COL5A2: variants seen among roughly 807,000 people sequenced by gnomAD.
COL5A2 encodes collagen type V alpha 2 chain.
Under a neutral mutation model 208.2 loss-of-function variants are expected in COL5A2, and 23 were observed. The ratio of observed to expected loss-of-function variants is 0.11; its 90% CI spans 0.08 to 0.16. The LOEUF (loss-of-function observed/expected upper bound fraction) is 0.16, where lower values mean the gene tolerates loss of function less well. Among genes scored for constraint, COL5A2 ranks in the 10% least tolerant of loss-of-function variants. The probability of loss-of-function intolerance (pLI) is 1.00; values close to 1 mark genes in which losing one functional copy is unlikely to be tolerated. For synonymous variants in COL5A2, 625 were observed against 628.5 expected (o/e 0.99, Z 0.08); for missense variants, 1,590 against 1,956.4 (o/e 0.81, Z 3.53).
the COL5A2 span, among the ~76,000 whole-genome samples, chr2:189,400,088 C>CT: frequency 2.6e-5 from 4 of 151,926 alleles, no homozygotes; most frequent in Admixed American, 6.6e-5. Context: ...TTATGTTTTT[C>CT]TTTTTTGTTT....
At chr2:189,322,519 C>A in the COL5A2 span, among the ~76,000 whole-genome samples, 1 of 152,182 alleles carries the variant, frequency 6.6e-6, no homozygotes, top group Non-Finnish European at 1.5e-5. Flanking sequence ...CACAGAAATA[C>A]AAACTGCCAT....
the COL5A2 span, among the ~76,000 whole-genome samples, chr2:189,359,603 C>T: frequency 1.3e-5 from 2 of 152,124 alleles, no homozygotes; most frequent in African/African-American, 4.8e-5. Context: ...AGAAGTATTC[C>T]CGCCTCTTCA....
chr2:189,332,858 A>G, the COL5A2 span, among the ~76,000 whole-genome samples: 1 of 152,228 alleles, frequency 6.6e-6, no homozygotes, highest in Non-Finnish European at 1.5e-5. Flanking sequence ...GGATGGGGTA[A>G]CAGGCAGAGA....
intron 1 of COL5A2, among the ~76,000 whole-genome samples, chr2:189,130,817 C>T (rs1315890998): frequency 1.3e-5 from 2 of 151,946 alleles, no homozygotes; most frequent in Non-Finnish European, 2.9e-5. Context: ...AGTCACATCA[C>T]AAATGCTTAA....
chr2:189,349,351 TAA>T, the COL5A2 span, among the ~76,000 whole-genome samples: 1 of 152,114 alleles, frequency 6.6e-6, no homozygotes, highest in African/African-American at 2.4e-5. Flanking sequence ...GAACAATAAC[TAA>T]AAGTCATGTT....
the COL5A2 span, among the ~76,000 whole-genome samples, chr2:189,368,965 A>G: frequency 1.3e-5 from 2 of 152,196 alleles, no homozygotes; most frequent in Non-Finnish European, 2.9e-5. Context: ...GAGGTCACCT[A>G]TCTACTACAA....
the COL5A2 span, among the ~76,000 whole-genome samples, chr2:189,432,378 C>T: frequency 7.2e-5 from 11 of 152,118 alleles, no homozygotes; most frequent in African/African-American, 1.4e-4. Context: ...TTAAAAGACA[C>T]GGACTGGCAA....
intron 34 of COL5A2, 86 bp from the exon 35 acceptor site, chr2:189,057,112 T>C: frequency 1.4e-6 from 2 of 1,438,048 alleles, no homozygotes; most frequent in South Asian, 1.1e-5. Context: ...TGAAGGCTAA[T>C]TGTCATTTTC....
chr2:189,034,047 T>C lies in COL5A2; in HGVS notation c.*23A>G, dbSNP rs753475151. 1.4e-5 allele frequency: 23 copies of C among 1,613,772 alleles called. No individual in the cohort carries two copies. The highest frequency in any genetic ancestry group is 3.3e-5 in the Admixed American group (2 of 59,978). On this transcript the variant is annotated 3_prime_UTR_variant, in exon 54 of 54. Transcript: ENST00000374866. ...CGGTGGTCATTGATGGTGGTGCTCATTGTCGATGTGTCTTGGCTTACTTTA... is the reference window on the plus strand; with the variant it reads ...CGGTGGTCATTGATGGTGGTGCTCACTGTCGATGTGTCTTGGCTTACTTTA...
At chr2:189,251,020 G>A in the COL5A2 span, among the ~76,000 whole-genome samples, 12 of 152,116 alleles carry the variant, frequency 7.9e-5, no homozygotes, top group African/African-American at 2.9e-4. Flanking sequence ...TATGAAGTCT[G>A]GGCATCAATC....
At chr2:189,155,185 A>G (rs1688220926) in intron 1 of COL5A2, among the ~76,000 whole-genome samples, 1 of 151,618 alleles carries the variant, frequency 6.6e-6, no homozygotes, top group African/African-American at 2.4e-5. Flanking sequence ...ACAGTATCTC[A>G]CTATGTTGCC....
intron 1 of COL5A2, among the ~76,000 whole-genome samples, chr2:189,153,641 T>C (rs1200628415): frequency 1.3e-5 from 2 of 152,100 alleles, no homozygotes; most frequent in Non-Finnish European, 2.9e-5. Context: ...GAGGCAGATA[T>C]GCTTTTACTA....
At chr2:189,162,683 T>C (rs1688391040) in intron 1 of COL5A2, among the ~76,000 whole-genome samples, 1 of 152,188 alleles carries the variant, frequency 6.6e-6, no homozygotes, top group African/African-American at 2.4e-5. Flanking sequence ...TAAAATATTA[T>C]CAGATTTTTA....
chr2:189,270,433 T>C, the COL5A2 span, among the ~76,000 whole-genome samples: 1 of 152,200 alleles, frequency 6.6e-6, no homozygotes, highest in Non-Finnish European at 1.5e-5. Flanking sequence ...GTGTCTTTGT[T>C]CTCACCGGTT....
At chr2:189,063,521 T>A (rs1302383601) in intron 26 of COL5A2, among the ~76,000 whole-genome samples, 1 of 152,194 alleles carries the variant, frequency 6.6e-6, no homozygotes, top group Non-Finnish European at 1.5e-5. Flanking sequence ...GTCATATTAA[T>A]AGGGGAAATC....
the COL5A2 span, among the ~76,000 whole-genome samples, chr2:189,236,376 T>C: frequency 2.6e-5 from 4 of 151,738 alleles, no homozygotes; most frequent in Non-Finnish European, 5.9e-5. Flanking sequence ...ATATGTGAAA[T>C]ATATATCGCA....
chr2:189,337,321 T>C, the COL5A2 span, among the ~76,000 whole-genome samples: 20,934 of 149,942 alleles, frequency 0.14, 1,879 homozygotes, highest in South Asian at 0.21. Context: ...TAGCTGGGAC[T>C]ACAGGCGCCC....
At chr2:189,400,545 T>A in the COL5A2 span, among the ~76,000 whole-genome samples, 1 of 152,204 alleles carries the variant, frequency 6.6e-6, no homozygotes. Context: ...TTAGAGTTAT[T>A]ATAAAGTCCA....
chr2:189,090,203 AAAGGTTTAGTAGT>A (rs1686754229), intron 7 of COL5A2, among the ~76,000 whole-genome samples: 1 of 152,220 alleles, frequency 6.6e-6, no homozygotes, highest in Non-Finnish European at 1.5e-5. Context: ...TAATATGGAG[AAAGGTTTAGTAGT>A]CTGGATAGAA....
Sources: allele counts gnomAD v4.1 joint callset (sites outside exome capture counted in the v4.1 genomes callset), GRCh38; gene constraint gnomAD v4.1.1; transcripts MANE v1.5; gene names NCBI Gene and HGNC (gene_info 2026-07-23, HGNC 2026-07-21).